Variants in ADAM33 observed in about 807,000 individuals in gnomAD.
ADAM33 encodes disintegrin and metalloproteinase domain-containing protein 33.
Under a neutral mutation model 106.2 loss-of-function variants are expected in ADAM33, and 103 were observed. The observed-to-expected ratio is 0.97, with a 90% CI of 0.83 to 1.14. The LOEUF (loss-of-function observed/expected upper bound fraction) is 1.14. Among genes scored for constraint, ADAM33 ranks in the 50% most tolerant of loss-of-function variants. The pLI, the probability that ADAM33 is intolerant of heterozygous loss-of-function variation, is 0.00. For missense variants in ADAM33, 1,120 were observed against 1,096.6 expected (o/e 1.02, Z -0.30); for synonymous variants, 483 against 453.0 (o/e 1.07, Z -0.84).
chr20:3,676,410 TTTTC>T (rs1357001252), intron 3 of ADAM33, among the ~76,000 whole-genome samples: 8 of 150,854 alleles, frequency 5.3e-5, no homozygotes, highest in Non-Finnish European at 5.9e-5. Flanking sequence ...TTCTTTTTTC[TTTTC>T]TTTCTTTTTT....
At chr20:3,679,370 A>C in intron 2 of ADAM33, 122 bp downstream of exon 2, 1 of 971,176 alleles carries the variant, frequency 1.0e-6, no homozygotes, top group Non-Finnish European at 1.6e-6. Flanking sequence ...GCAGGGGCCT[A>C]TAGGAGTAGT....
In ADAM33 at chr20:3,669,393, A is replaced by G. The variant is rs894556295; in HGVS notation, c.2333-23T>C. ...GGTCTGGGAGAAATGGTGGAGGGTA[A>G]ATGTTGTGAATATGGTCAGCAGGAG... On this transcript the variant is annotated intron_variant, in intron 20 of 21. Coordinates refer to ENST00000356518, the MANE Select transcript of ADAM33 (RefSeq NM_025220.5). 2.5e-6 allele frequency: 4 copies of G among 1,595,174 alleles called. No individual in the cohort carries two copies. The Admixed American group carries it at 5.5e-5, about 22-fold the overall frequency.
intron 4 of ADAM33, 59 bp from the exon 5 acceptor site, chr20:3,674,908 G>A (rs775626892): frequency 2.5e-6 from 4 of 1,608,486 alleles, no homozygotes; most frequent in Non-Finnish European, 3.4e-6. Context: ...AGGGGCAAGA[G>A]GGAGGGTGTG....
At position 3,673,489 on chromosome 20, in the gene ADAM33, G is replaced by T; in HGVS notation, c.998C>A (p.Ser333Ter). The T allele has an allele frequency of 6.6e-7, 1 of 1,525,966 alleles. No homozygotes were observed. Among genetic ancestry groups the T allele is most frequent in the South Asian group, 1.3e-5 (1 of 77,104 alleles). The allele number at this position is 1,525,966 out of a possible 1,614,324, so 94.5% of individuals were successfully genotyped here. ...GGCTGCGGCGCCGATGGGGAGCTCCGAGTGGTCCTGGGGGGCCGTGGGAGG... is the reference window on the plus strand; with the variant it reads ...GGCTGCGGCGCCGATGGGGAGCTCCTAGTGGTCCTGGGGGGCCGTGGGAGG... ...ESSGGVSTDH[S>*]ELPIGAAATM... The change falls in exon 11 of 22, where the codon TCG becomes TAG. Residue 333 changes from serine (S) to a stop codon, truncating the protein, a stop_gained. Coordinates refer to ENST00000356518, the MANE Select transcript of ADAM33 (RefSeq NM_025220.5). LOFTEE classifies it high-confidence loss of function.
intron 4 of ADAM33, 35 bp downstream of exon 4, chr20:3,674,992 G>C (rs772470407): frequency 1.2e-6 from 2 of 1,613,074 alleles, no homozygotes; most frequent in African/African-American, 1.3e-5. Flanking sequence ...GGGTACCTCT[G>C]GCGGTGCATC....
In ADAM33 at chr20:3,673,889, T is replaced by C; in HGVS notation, c.761A>G (p.Gln254Arg). The change falls in exon 9 of 22, where the codon CAG (glutamine) becomes CGG (arginine). Residue 254 changes from glutamine (Q) to arginine (R), a missense_variant. Transcript: ENST00000356518. ...VDQLLRTLDI[Q>R]VALTGLEVWT... ...CACCTCCAGGCCGGTCAGCGCCACC[T>C]GAATGTCCAGAGTCCTGAGAAGCTG... The C allele has an allele frequency of 6.4e-7, 1 of 1,563,394 alleles. No individual in the cohort carries two copies. The highest frequency in any genetic ancestry group is 8.6e-7 in the Non-Finnish European group (1 of 1,161,442).
At chr20:3,678,911 G>T (rs1242413194) in intron 2 of ADAM33, among the ~76,000 whole-genome samples, 1 of 152,186 alleles carries the variant, frequency 6.6e-6, no homozygotes, top group Non-Finnish European at 1.5e-5. Flanking sequence ...GCGGGATTGG[G>T]AAGAGGCTGG....
chr20:3,678,472 G>A (rs1290910748), intron 2 of ADAM33, among the ~76,000 whole-genome samples: 1 of 152,200 alleles, frequency 6.6e-6, no homozygotes, highest in African/African-American at 2.4e-5. Context: ...GGATGGGGAG[G>A]GCAATCTCAA....
In ADAM33 at chr20:3,672,248, A is replaced by G; in HGVS notation, c.1483T>C (p.Cys495Arg). 6.2e-7 allele frequency: 1 copy of G among 1,613,380 alleles called. No individual in the cohort carries two copies. Among genetic ancestry groups the G allele is most frequent in the South Asian group, 1.1e-5 (1 of 91,084 alleles). The change falls in exon 14 of 22, where the codon TGT becomes CGT. Residue 495 changes from cysteine to arginine, a missense_variant. Physicochemically the swap from Cys to Arg is radical, Grantham distance 180. Coordinates refer to ENST00000356518, the MANE Select transcript of ADAM33 (RefSeq NM_025220.5). The stretch of plus-strand genomic sequence containing the variant: ...TCCAGTAGGTAAACGTCTGGGGGAC[A>G]GTGGGAGGAGGTGCCCGTGCAAAAC... ...PEFCTGTSSH[C>R]PPDVYLLDGS... is the part of the protein sequence containing the mutation.
chr20:3,679,640 G>A, intron 1 of ADAM33, 69 bp from the exon 2 acceptor site: 1 of 1,386,432 alleles, frequency 7.2e-7, no homozygotes, highest in Non-Finnish European at 1.0e-6. Context: ...AAAGCAGAGG[G>A]AGGGGGGTAG....
In ADAM33 at chr20:3,675,009, C is replaced by T. The variant is rs1320607002; in HGVS notation, c.333+18G>A. On this transcript the variant is annotated intron_variant, in intron 4 of 21. Coordinates refer to ENST00000356518, the MANE Select transcript of ADAM33 (RefSeq NM_025220.5). The surrounding 1 kb of genome is among the most constrained non-coding windows in gnomAD (Gnocchi z 4.1). ...GTACCTCTGGCGGTGCATCCCAGAG[C>T]CCATGGAAGCATCTCACCGTGTGGT... The T allele has an allele frequency of 6.2e-7, 1 of 1,613,204 alleles. No homozygotes were observed. The highest frequency in any genetic ancestry group is 8.5e-7 in the Non-Finnish European group (1 of 1,179,892).
At chr20:3,676,363 A>T (rs936578899) in intron 3 of ADAM33, among the ~76,000 whole-genome samples, 1 of 151,018 alleles carries the variant, frequency 6.6e-6, no homozygotes, top group Admixed American at 6.6e-5. Flanking sequence ...GGCAGGTCAG[A>T]CAAACTGCTG....
Position 3,671,634 on chromosome 20 carries a change from C to G in ADAM33, c.1852G>C (p.Asp618His). 1 of 1,580,436 alleles carries G rather than the reference C, an allele frequency of 6.3e-7. No homozygotes were observed. Among genetic ancestry groups the G allele is most frequent in the African/African-American group, 1.3e-5 (1 of 74,084 alleles). Residue 618 changes from aspartate to histidine, a missense_variant, in exon 16 of 22, where the codon GAC becomes CAC. Transcript: ENST00000356518. ...TCTACCAGGCCCAGGCCAAGCAGGT[C>G]CAGCTGGGCACTGGGGAGTGCCAAG... ...GALALPSAQL[D>H]LLGLGLVEPG...
At position 3,673,389 on chromosome 20, in the gene ADAM33, G is replaced by C; in HGVS notation, c.1098C>G (p.Ala366=). 6.5e-7 allele frequency: 1 copy of C among 1,543,736 alleles called. No homozygotes were observed. Among genetic ancestry groups the C allele is most frequent in the Non-Finnish European group, 8.7e-7 (1 of 1,151,524 alleles). Residue 366 remains alanine (A), a synonymous_variant, in exon 11 of 22, where the codon GCC becomes GCG. Transcript: ENST00000356518. ...DPDGCCVEAA[A]ESGGCVMAAA... ...CAGCCATGACGCAGCCTCCGGACTC[G>C]GCCGCAGCCTCCACGCAGCAGCCGT...
At chr20:3,677,456 TTC>T (rs889031999) in intron 2 of ADAM33, among the ~76,000 whole-genome samples, 1 of 152,194 alleles carries the variant, frequency 6.6e-6, no homozygotes, top group African/African-American at 2.4e-5. Flanking sequence ...GCCCGCCCTC[TTC>T]TTTCATGCCC....
chr20:3,671,705 T>C lies in ADAM33; in HGVS notation c.1781A>G (p.Asp594Gly). The C allele has an allele frequency of 6.3e-7, 1 of 1,587,086 alleles. No individual in the cohort carries two copies. Among genetic ancestry groups the C allele is most frequent in the South Asian group, 1.1e-5 (1 of 87,308 alleles). The change falls in exon 16 of 22, where the codon GAC (aspartate) becomes GGC (glycine). Residue 594 changes from aspartate (D) to glycine (G), a missense_variant. Physicochemically the swap from Asp to Gly is moderately conservative, Grantham distance 94. Transcript: ENST00000356518. ...SLLAPHMVPV[D>G]STVHLDGQEV... The stretch of plus-strand genomic sequence containing the variant: ...CTGGCCATCTAGGTGAACGGTAGAG[T>C]CCACTGGCACCATGTGCGGTGCGAG...
Position 3,675,114 on chromosome 20 carries a change from G to A in ADAM33, c.255-9C>T, listed in dbSNP as rs762502504. On this transcript the variant is annotated splice_polypyrimidine_tract_variant and intron_variant, in intron 3 of 21. Coordinates refer to ENST00000356518, the MANE Select transcript of ADAM33 (RefSeq NM_025220.5). The surrounding 1 kb of genome is among the most constrained non-coding windows in gnomAD (Gnocchi z 4.1). ...CTGGGGCCAGCAGCCTGCTGAGAGG[G>A]GGTGTTACAGGGAACACTGAATTCA... is the stretch of plus-strand genomic sequence containing the variant. 1 of 1,601,268 alleles carries A rather than the reference G, an allele frequency of 6.2e-7. No homozygotes were observed. The highest frequency in any genetic ancestry group is 1.1e-5 in the South Asian group (1 of 90,040).
At chr20:3,676,844 G>T (rs1032491102) in intron 3 of ADAM33, among the ~76,000 whole-genome samples, 3 of 152,296 alleles carry the variant, frequency 2.0e-5, no homozygotes, top group East Asian at 3.9e-4. Context: ...CTAACAAGCC[G>T]CTCCTGGGGT....
In ADAM33 at chr20:3,681,923, C is replaced by G. The variant is rs1035336353; in HGVS notation, c.82G>C (p.Ala28Pro). The G allele has an allele frequency of 3.8e-6, 6 of 1,588,866 alleles. No individual in the cohort carries two copies. The African/African-American group carries it at 5.4e-5, about 14-fold the overall frequency. Reference protein sequence around the residue: ...LLLLLWPVPGAGVLQGHIPGQ... With the variant: ...LLLLLWPVPGPGVLQGHIPGQ... ...GCGTCCTCACCTTGAAGCACCCCGG[C>G]GCCTGGCACTGGCCAGAGCAGCAGC... Residue 28 changes from alanine (A) to proline (P), a missense_variant, in exon 1 of 22, where the codon GCC becomes CCC. By Grantham distance (27) the Ala-to-Pro change is conservative (BLOSUM62 -1). Coordinates refer to ENST00000356518, the MANE Select transcript of ADAM33 (RefSeq NM_025220.5).
Sources: allele counts gnomAD v4.1 joint callset (sites outside exome capture counted in the v4.1 genomes callset), GRCh38; gene constraint gnomAD v4.1.1; non-coding constraint Gnocchi (gnomAD v3.1); transcripts MANE v1.5; gene names NCBI Gene and HGNC (gene_info 2026-07-23, HGNC 2026-07-21).